Variants in ATP7A observed in about 807,000 individuals in gnomAD.
The protein encoded by ATP7A is copper-transporting ATPase 1.
In ATP7A, 7 loss-of-function variants were observed where a neutral mutation model predicts 83.5. That is an observed-to-expected ratio of 0.08 (90% CI 0.05 to 0.16). The LOEUF (loss-of-function observed/expected upper bound fraction) is 0.16. ATP7A is among the 10% of genes least tolerant of loss of function. ATP7A has a pLI of 1.00. For synonymous variants in ATP7A, 354 were observed against 395.2 expected, an observed-to-expected ratio of 0.90 and a Z score of 1.24; for missense variants, 940 against 1,120.8, an observed-to-expected ratio of 0.84 and a Z score of 2.30.
chrX:78,016,305 T>A, intron 12 of ATP7A, among the ~76,000 whole-genome samples: 1 of 110,713 alleles, frequency 9.0e-6, no homozygotes, highest in Non-Finnish European at 1.9e-5. Context: ...GACAACAGCA[T>A]AGGGGAAACC....
At chrX:78,002,799 TACACACACAC>T (rs781808445) in intron 5 of ATP7A, among the ~76,000 whole-genome samples, 165 of 87,119 alleles carry the variant, frequency 1.9e-3, no homozygotes, top group African/African-American at 5.9e-3. Context: ...TATGTTCTTA[TACACACACAC>T]ACACACACAC....
chrX:78,038,279 G>C (rs989871236), intron 17 of ATP7A, among the ~76,000 whole-genome samples: 12 of 110,069 alleles, frequency 1.1e-4, no homozygotes, highest in Admixed American at 2.0e-4. Context: ...GAAGTAGGAA[G>C]CAGAGTCATC....
chrX:77,968,753 C>A, intron 1 of ATP7A: 2 of 962,735 alleles, frequency 2.1e-6, no homozygotes. Flanking sequence ...TGGTCCCCAT[C>A]TGCAGCTACA....
At chrX:78,028,520 G>C (rs1376901870) in intron 14 of ATP7A, among the ~76,000 whole-genome samples, 1 of 111,353 alleles carries the variant, frequency 9.0e-6, no homozygotes, top group Non-Finnish European at 1.9e-5. Flanking sequence ...AATTTTTTTT[G>C]TAGAGATGAG....
intron 1 of ATP7A, among the ~76,000 whole-genome samples, chrX:77,961,385 A>G (rs2077473623): frequency 8.9e-6 from 1 of 111,769 alleles, no homozygotes; most frequent in Admixed American, 9.5e-5. Context: ...AAACAGGTAA[A>G]CTAGCCTTCA....
At chrX:77,946,662 C>T (rs1018471235) in intron 1 of ATP7A, among the ~76,000 whole-genome samples, 1 of 104,269 alleles carries the variant, frequency 9.6e-6, no homozygotes, top group African/African-American at 3.5e-5. Flanking sequence ...TTCAATTCTT[C>T]ATTGAAATTT....
chrX:77,927,780 C>T (rs1303679980), intron 1 of ATP7A, among the ~76,000 whole-genome samples: 13 of 110,740 alleles, frequency 1.2e-4, no homozygotes, highest in African/African-American at 3.9e-4. Flanking sequence ...TGCTATCCCT[C>T]CCCCCATCCC....
intron 14 of ATP7A, among the ~76,000 whole-genome samples, chrX:78,021,686 C>G (rs1242208515): frequency 1.8e-5 from 2 of 111,560 alleles, no homozygotes; most frequent in Admixed American, 1.9e-4. Context: ...GTAAGTTTTA[C>G]TATCCTCAGT....
intron 14 of ATP7A, among the ~76,000 whole-genome samples, chrX:78,026,457 A>G (rs981927983): frequency 8.9e-6 from 1 of 112,085 alleles, no homozygotes; most frequent in Non-Finnish European, 1.9e-5. Context: ...TAGACCTACA[A>G]AAAGAGGTAG....
chrX:77,989,968 A>G lies in ATP7A; in HGVS notation c.1336+10A>G. 8.3e-7 allele frequency: 1 copy of G among 1,209,485 alleles called. No homozygotes were observed. The highest frequency in any genetic ancestry group is 1.1e-6 in the Non-Finnish European group (1 of 894,548). ...GATGCTACCTTGTCAGGTAATTATC[A>G]TTTTTTCTTTGATTACCCTAATGTT... On this transcript the variant is annotated intron_variant, in intron 4 of 22. Coordinates refer to ENST00000341514, the MANE Select transcript of ATP7A (RefSeq NM_000052.7).
chrX:77,945,013 G>A (rs782476005), intron 1 of ATP7A, among the ~76,000 whole-genome samples: 1 of 109,312 alleles, frequency 9.1e-6, no homozygotes, highest in South Asian at 3.9e-4. Flanking sequence ...ACCACACCCA[G>A]CTAATTTTTG....
chrX:77,995,127 AT>A (rs2077693951), intron 4 of ATP7A, among the ~76,000 whole-genome samples: 2 of 111,746 alleles, frequency 1.8e-5, no homozygotes, highest in Non-Finnish European at 1.9e-5. Context: ...TTTCACCAGA[AT>A]TGTAACTACC....
chrX:77,988,149 C>T, intron 2 of ATP7A, 93 bp from the exon 3 acceptor site: 1 of 970,016 alleles, frequency 1.0e-6, no homozygotes, highest in South Asian at 2.4e-5. Flanking sequence ...ATTGAGTTGT[C>T]TCACTCTTCT....
At chrX:77,963,464 T>G (rs1207987060) in intron 1 of ATP7A, 1 of 112,512 alleles carries the variant, frequency 8.9e-6, no homozygotes, top group Admixed American at 9.4e-5. Flanking sequence ...AGGAAGACTA[T>G]AATTGTTTCT....
intron 1 of ATP7A, chrX:77,966,929 T>A: frequency 3.4e-6 from 1 of 292,886 alleles, no homozygotes; most frequent in South Asian, 3.1e-5. Flanking sequence ...CAGGCTCCGG[T>A]GTGTGATGTT....
In ATP7A at chrX:78,038,945, G is replaced by A. The variant is rs141535376; in HGVS notation, c.3621G>A (p.Glu1207=). 6.7e-5 allele frequency: 81 copies of A among 1,209,991 alleles called. No individual in the cohort carries two copies. In the East Asian group the frequency reaches 7.4e-4, roughly 11 times the overall value. The part of the protein sequence containing the change: ...NDVNDFMTEH[E]RKGRTAVLVA... ...TAAATGATTTCATGACTGAACATGA[G>A]AGAAAAGGTCGGACTGCTGTATTAG... Residue 1207 remains glutamate (E), a synonymous_variant, in exon 18 of 23, where the codon GAG becomes GAA. Transcript: ENST00000341514.
In ATP7A at chrX:77,973,813, C is replaced by G. The variant is rs180837193; in HGVS notation, c.120+2052C>G. On this transcript the variant is annotated intron_variant, in intron 2 of 22. Transcript: ENST00000341514. Reference sequence around the variant, plus strand: ...AGATCCATTTGGACAGAAGTAACATCTTACCAATATTGAGTTTTCCAATCC... The same window carrying G: ...AGATCCATTTGGACAGAAGTAACATGTTACCAATATTGAGTTTTCCAATCC... Among the ~76,000 whole-genome samples the G allele has an allele frequency of 2.3e-4, 26 of 111,962 alleles. 1 individual carries two copies. The East Asian group carries it at 6.4e-3, about 28-fold the overall frequency.
Position 78,007,487 on chromosome X carries a change from G to A in ATP7A, c.1708-1615G>A, listed in dbSNP as rs375679444. On this transcript the variant is annotated intron_variant, in intron 6 of 22. Coordinates refer to ENST00000341514, the MANE Select transcript of ATP7A (RefSeq NM_000052.7). The stretch of plus-strand genomic sequence containing the variant: ...ACTACAGGCGTCTGCCACCATGCCC[G>A]GCTAATTTTTTGTATTTGTAGTAGA... Among the ~76,000 whole-genome samples the A allele has an allele frequency of 9.8e-4, 109 of 111,173 alleles. 1 individual carries two copies. Among genetic ancestry groups the A allele is most frequent in the Admixed American group, 2.1e-3 (22 of 10,473 alleles).
chrX:78,042,912 T>A, intron 20 of ATP7A, 124 bp downstream of exon 20: 1 of 840,362 alleles, frequency 1.2e-6, no homozygotes, highest in Non-Finnish European at 1.8e-6. Flanking sequence ...CATTAAGAGT[T>A]TAAGAATATG....
Sources: gnomAD v4.1 joint callset for allele counts (sites outside exome capture counted in the v4.1 genomes callset) on GRCh38, gnomAD v4.1.1 for gene constraint, MANE v1.5 for transcripts, NCBI Gene and HGNC (gene_info 2026-07-23, HGNC 2026-07-21) for gene names.